ADAMTS17: variants seen among roughly 807,000 people sequenced by gnomAD.
ADAMTS17 encodes the protein A disintegrin and metalloproteinase with thrombospondin motifs 17.
Under a neutral mutation model 141.5 loss-of-function variants are expected in ADAMTS17, and 113 were observed. The ratio of observed to expected loss-of-function variants is 0.80; its 90% confidence interval spans 0.69 to 0.93. The LOEUF (loss-of-function observed/expected upper bound fraction) is 0.93. ADAMTS17 is among the 40% of genes least tolerant of loss of function. The pLI, the probability that ADAMTS17 is intolerant of heterozygous loss-of-function variation, is 0.00. For missense variants in ADAMTS17, 1,659 were observed against 1,517.9 expected (o/e 1.09, Z -1.54); for synonymous variants, 768 against 630.6 (o/e 1.22, Z -3.27).
intron 20 of ADAMTS17, among the ~76,000 whole-genome samples, chr15:99,977,089 TC>T (rs2060349611): frequency 6.6e-6 from 1 of 151,902 alleles, no homozygotes; most frequent in African/African-American, 2.4e-5. Flanking sequence ...GGGTTGAATT[TC>T]CCACAAGCCT....
At chr15:100,091,721 G>A (rs778788247) in intron 15 of ADAMTS17, among the ~76,000 whole-genome samples, 1 of 152,168 alleles carries the variant, frequency 6.6e-6, no homozygotes, top group Non-Finnish European at 1.5e-5. Flanking sequence ...AAGGTACCAT[G>A]ATGGACTAGA....
intron 15 of ADAMTS17, among the ~76,000 whole-genome samples, chr15:100,072,738 C>T (rs1567127164): frequency 6.6e-6 from 1 of 152,228 alleles, no homozygotes; most frequent in East Asian, 1.9e-4. Flanking sequence ...CCTCCTTACA[C>T]CTTATACAAA....
At position 99,977,388 on chromosome 15, in the gene ADAMTS17, ATATATATATATAATTT is replaced by A. The variant is rs2060378376; in HGVS notation, c.2950-1182_2950-1167del. 9.1e-4 allele frequency among the ~76,000 whole-genome samples: 9 copies of A among 9,872 alleles called. 2 individuals are homozygous for A. The highest frequency in any genetic ancestry group is 3.7e-3 in the African/African-American group (9 of 2,406). 6.5% of individuals were successfully genotyped at this position (9,872 alleles called of 152,430 possible). On this transcript the variant is annotated intron_variant, in intron 20 of 21. Transcript: ENST00000268070. The stretch of plus-strand genomic sequence containing the variant: ...TATATATATATATATATATATATAT[ATATATATATATAATTT>A]TTTTTTTTTTTTTTTTTTTTTTTTT...
chr15:100,020,680 A>C (rs941579651), intron 18 of ADAMTS17, among the ~76,000 whole-genome samples: 11 of 152,204 alleles, frequency 7.2e-5, no homozygotes, highest in African/African-American at 2.4e-5. Flanking sequence ...TGGCTTATAA[A>C]GTCCATGTTC....
At chr15:100,286,629 A>G in intron 3 of ADAMTS17, among the ~76,000 whole-genome samples, 1 of 152,078 alleles carries the variant, frequency 6.6e-6, no homozygotes, top group Non-Finnish European at 1.5e-5. Flanking sequence ...CTTATACCAC[A>G]ATCAAATGCC....
intron 10 of ADAMTS17, among the ~76,000 whole-genome samples, chr15:100,140,452 G>GACAC (rs140696533): frequency 9.8e-5 from 13 of 131,996 alleles, no homozygotes; most frequent in African/African-American, 1.6e-4. Flanking sequence ...CTAACTCCAA[G>GACAC]ACACACACAC....
chr15:100,096,782 G>A (rs1255330111), intron 14 of ADAMTS17, among the ~76,000 whole-genome samples: 2 of 152,252 alleles, frequency 1.3e-5, no homozygotes, highest in Non-Finnish European at 2.9e-5. Flanking sequence ...CGCCCTGACT[G>A]CCTGGGGGCA....
chr15:100,150,032 T>C (rs879067951), intron 10 of ADAMTS17, among the ~76,000 whole-genome samples: 10 of 152,212 alleles, frequency 6.6e-5, no homozygotes, highest in Admixed American at 1.3e-4. Flanking sequence ...CTGCTAGTTA[T>C]TGGAGAGGAA....
At chr15:100,103,572 CTCT>C (rs1276771675) in intron 14 of ADAMTS17, among the ~76,000 whole-genome samples, 1 of 99,176 alleles carries the variant, frequency 1.0e-5, no homozygotes, top group Non-Finnish European at 2.1e-5. Context: ...CATCCAGCCA[CTCT>C]TTTTTTTTCT....
intron 20 of ADAMTS17, 48 bp from the exon 21 acceptor site, chr15:99,976,270 C>G (rs773761467): frequency 6.5e-7 from 1 of 1,532,008 alleles, no homozygotes; most frequent in South Asian, 1.2e-5. Flanking sequence ...GGTCAAGGGA[C>G]TGGGATGATG....
intron 10 of ADAMTS17, among the ~76,000 whole-genome samples, chr15:100,144,766 A>C (rs998390408): frequency 1.3e-5 from 2 of 151,944 alleles, no homozygotes; most frequent in African/African-American, 4.8e-5. Context: ...TGGTACAATA[A>C]CACACGCGTG....
intron 8 of ADAMTS17, among the ~76,000 whole-genome samples, chr15:100,197,955 A>T (rs992960200): frequency 6.6e-6 from 1 of 152,182 alleles, no homozygotes; most frequent in Non-Finnish European, 1.5e-5. Context: ...GTTCTCACTC[A>T]TAAGTGGGAG....
At chr15:100,052,807 G>A (rs908900455) in intron 16 of ADAMTS17, among the ~76,000 whole-genome samples, 9 of 152,156 alleles carry the variant, frequency 5.9e-5, no homozygotes, top group Non-Finnish European at 7.3e-5. Flanking sequence ...TGGACTTAGC[G>A]GGCTGAGAGG....
intron 20 of ADAMTS17, among the ~76,000 whole-genome samples, chr15:99,992,373 G>A (rs563621906): frequency 6.6e-6 from 1 of 152,298 alleles, no homozygotes; most frequent in Admixed American, 6.5e-5. Context: ...GAGTGGTACA[G>A]ATTTTGTGAG....
intron 2 of ADAMTS17, among the ~76,000 whole-genome samples, chr15:100,339,788 C>T (rs192113389): frequency 6.6e-6 from 1 of 152,192 alleles, no homozygotes; most frequent in Admixed American, 6.5e-5. Flanking sequence ...GTCTATCATA[C>T]CCTAATCAGA....
chr15:100,272,403 C>G (rs1380132238), intron 4 of ADAMTS17, among the ~76,000 whole-genome samples: 1 of 151,898 alleles, frequency 6.6e-6, no homozygotes, highest in Non-Finnish European at 1.5e-5. Context: ...ATGTAAAACT[C>G]TATCCCTTAT....
At chr15:100,208,379 G>A (rs1420260392) in intron 7 of ADAMTS17, among the ~76,000 whole-genome samples, 1 of 152,222 alleles carries the variant, frequency 6.6e-6, no homozygotes, top group African/African-American at 2.4e-5. Context: ...CACTACAAAA[G>A]CCAAGGAAGT....
intron 4 of ADAMTS17, among the ~76,000 whole-genome samples, chr15:100,264,395 G>C (rs529289906): frequency 2.3e-4 from 35 of 152,310 alleles, no homozygotes; most frequent in Non-Finnish European, 4.3e-4. Flanking sequence ...ATGAAAATTA[G>C]GAAGAATGAA....
chr15:100,225,843 C>T (rs1381558448), intron 7 of ADAMTS17, among the ~76,000 whole-genome samples: 1 of 148,062 alleles, frequency 6.8e-6, no homozygotes, highest in Non-Finnish European at 1.5e-5. Context: ...CTGTGCCATT[C>T]AGTCCTTACA....
Sources: allele counts gnomAD v4.1 joint callset (sites outside exome capture counted in the v4.1 genomes callset), GRCh38; gene constraint gnomAD v4.1.1; transcripts MANE v1.5; gene names NCBI Gene and HGNC (gene_info 2026-07-23, HGNC 2026-07-21).